The following HIPK2 variants were observed in gnomAD, a reference collection of about 807,000 sequenced individuals.
The protein encoded by HIPK2 is homeodomain interacting protein kinase 2.
In HIPK2, 27 loss-of-function variants were observed where a neutral mutation model predicts 113.7. The observed-to-expected ratio is 0.24, with a 90% CI of 0.17 to 0.33. The LOEUF is 0.33. Among genes scored for constraint, HIPK2 ranks in the 10% least tolerant of loss-of-function variants. HIPK2 has a pLI of 1.00. For missense variants in HIPK2, 1,257 were observed against 1,588.0 expected (o/e 0.79, Z 3.54); for synonymous variants, 631 against 642.2 (o/e 0.98, Z 0.26).
At chr7:139,600,361 T>C in intron 11 of HIPK2, 56 bp downstream of exon 11, 1 of 1,571,418 alleles carries the variant, frequency 6.4e-7, no homozygotes, top group Non-Finnish European at 8.6e-7. Flanking sequence ...ACTACATTTC[T>C]TTAGCACTCA....
At chr7:139,665,498 T>C (rs1412135553) in intron 2 of HIPK2, among the ~76,000 whole-genome samples, 1 of 152,224 alleles carries the variant, frequency 6.6e-6, no homozygotes, top group Non-Finnish European at 1.5e-5. Flanking sequence ...GCTTATGCCC[T>C]AGCTATGCAT....
intron 2 of HIPK2, among the ~76,000 whole-genome samples, chr7:139,662,117 C>A (rs947746417): frequency 1.3e-5 from 2 of 152,178 alleles, no homozygotes; most frequent in African/African-American, 4.8e-5. Context: ...TGTCTTCATT[C>A]AATTCACTCA....
At chr7:139,751,479 G>C (rs1459213401) in intron 1 of HIPK2, among the ~76,000 whole-genome samples, 1 of 147,588 alleles carries the variant, frequency 6.8e-6, no homozygotes, top group Non-Finnish European at 1.5e-5. Flanking sequence ...TATAAGAAGG[G>C]GAGAGAGAAC....
intron 2 of HIPK2, among the ~76,000 whole-genome samples, chr7:139,711,697 G>T (rs1041793692): frequency 2.0e-5 from 3 of 151,570 alleles, no homozygotes; most frequent in Non-Finnish European, 4.4e-5. Flanking sequence ...TAGTTTACTG[G>T]TTCTGCTGAT....
At chr7:139,690,285 A>T (rs1474948845) in intron 2 of HIPK2, among the ~76,000 whole-genome samples, 1 of 152,088 alleles carries the variant, frequency 6.6e-6, no homozygotes, top group African/African-American at 2.4e-5. Context: ...GTGCACACAG[A>T]GTCAGGGGAG....
At chr7:139,619,947 AGAT>A (rs1800178615) in intron 7 of HIPK2, among the ~76,000 whole-genome samples, 1 of 152,052 alleles carries the variant, frequency 6.6e-6, no homozygotes, top group South Asian at 2.1e-4. Flanking sequence ...TTTTCTGTAG[AGAT>A]GGCGTCTCAC....
intron 9 of HIPK2, among the ~76,000 whole-genome samples, chr7:139,607,789 G>A (rs1799670703): frequency 6.6e-6 from 1 of 152,154 alleles, no homozygotes; most frequent in South Asian, 2.1e-4. Flanking sequence ...TGTGTGTTAT[G>A]GGGATGGCAG....
chr7:139,623,233 A>G (rs1022218925), intron 6 of HIPK2, among the ~76,000 whole-genome samples: 1 of 152,178 alleles, frequency 6.6e-6, no homozygotes, highest in Non-Finnish European at 1.5e-5. Context: ...AATCCAGGCC[A>G]GGCACGGTGG....
At position 139,690,757 on chromosome 7, in the gene HIPK2, G is replaced by A. The variant is rs193253347; in HGVS notation, c.1103+25175C>T. Among the ~76,000 whole-genome samples, 517 of 152,238 alleles carry A rather than the reference G, an allele frequency of 3.4e-3. 5 individuals are homozygous for A. Among genetic ancestry groups the A allele is most frequent in the Non-Finnish European group, 4.5e-3 (305 of 67,994 alleles). On this transcript the variant is annotated intron_variant, in intron 2 of 14. Transcript: ENST00000406875. ...CTCCAGTGCCATGTAATCCGCACAC[G>A]CCAGCTCCCCTTCACCTTCAGCCAT...
At chr7:139,626,529 C>A (rs550465455) in intron 6 of HIPK2, 72 bp downstream of exon 6, 1 of 1,518,902 alleles carries the variant, frequency 6.6e-7, no homozygotes, top group African/African-American at 1.4e-5. Context: ...GGCCGCAAAA[C>A]CTAAAATATT....
chr7:139,613,826 C>T lies in HIPK2; in HGVS notation c.1990+460G>A, dbSNP rs1799923895. Among the ~76,000 whole-genome samples the T allele has an allele frequency of 6.6e-6, 1 of 152,070 alleles. No homozygotes were observed. The highest frequency in any genetic ancestry group is 2.4e-5 in the African/African-American group (1 of 41,388). ...AGGAGAGGAGTGCTGGGGTCATGGC[C>T]AAAGAATTGTTTTGAGGAGGGGTCC... On this transcript the variant is annotated intron_variant, in intron 8 of 14. Transcript: ENST00000406875. The surrounding 1 kb of genome is among the most constrained non-coding windows in gnomAD (Gnocchi z 4.2).
intron 1 of HIPK2, among the ~76,000 whole-genome samples, chr7:139,734,380 A>C (rs919817669): frequency 4.6e-5 from 7 of 152,230 alleles, no homozygotes; most frequent in Admixed American, 6.5e-5. Flanking sequence ...TTTGGTTTGC[A>C]AACTTTGACG....
chr7:139,733,124 C>T (rs1365828652), intron 1 of HIPK2, among the ~76,000 whole-genome samples: 1 of 152,172 alleles, frequency 6.6e-6, no homozygotes, highest in Non-Finnish European at 1.5e-5. Flanking sequence ...TCACCTTCCA[C>T]CATGACTGTA....
intron 6 of HIPK2, among the ~76,000 whole-genome samples, chr7:139,624,022 T>G (rs1225876133): frequency 7.2e-6 from 1 of 138,704 alleles, no homozygotes; most frequent in Non-Finnish European, 1.5e-5. Context: ...CACCAACGGC[T>G]TCCTATTTTT....
chr7:139,576,183 T>TA (rs1798483874), intron 13 of HIPK2, among the ~76,000 whole-genome samples: 1 of 152,212 alleles, frequency 6.6e-6, no homozygotes. Flanking sequence ...AGGATGAGAC[T>TA]AAATCATCCG....
chr7:139,677,782 G>C (rs1406682483), intron 2 of HIPK2, among the ~76,000 whole-genome samples: 1 of 152,130 alleles, frequency 6.6e-6, no homozygotes, highest in Non-Finnish European at 1.5e-5. Context: ...CTAGATCCTT[G>C]AGGAATCACC....
chr7:139,638,447 CAATA>C (rs1280237127), intron 2 of HIPK2, among the ~76,000 whole-genome samples: 2 of 152,128 alleles, frequency 1.3e-5, no homozygotes, highest in African/African-American at 4.8e-5. Flanking sequence ...CAGATTGGTC[CAATA>C]AATACTAACT....
chr7:139,677,929 G>A (rs1268334039), intron 2 of HIPK2, among the ~76,000 whole-genome samples: 2 of 152,170 alleles, frequency 1.3e-5, no homozygotes, highest in Non-Finnish European at 2.9e-5. Context: ...GTGTGAGATG[G>A]TATCTCATTG....
intron 2 of HIPK2, among the ~76,000 whole-genome samples, chr7:139,645,900 G>A (rs1585320629): frequency 6.6e-6 from 1 of 152,170 alleles, no homozygotes; most frequent in South Asian, 2.1e-4. Flanking sequence ...GCAGGAGTTA[G>A]GAACAAGAAG....
Sources: allele counts gnomAD v4.1 joint callset (sites outside exome capture counted in the v4.1 genomes callset), GRCh38; gene constraint gnomAD v4.1.1; non-coding constraint Gnocchi (gnomAD v3.1); transcripts MANE v1.5; gene names NCBI Gene and HGNC (gene_info 2026-07-23, HGNC 2026-07-21).